FABP4: variants seen among roughly 807,000 people sequenced by gnomAD.
FABP4 encodes fatty acid-binding protein, adipocyte.
Under a neutral mutation model 14.6 loss-of-function variants are expected in FABP4, and 17 were observed. The ratio of observed to expected loss-of-function variants is 1.16; its 90% CI spans 0.80 to 1.74. FABP4 has a LOEUF of 1.74. Among genes scored for constraint, FABP4 ranks in the 40% most tolerant of loss-of-function variants. The pLI is 0.00. For synonymous variants in FABP4, 54 were observed against 54.6 expected (o/e 0.99, Z 0.05); for missense variants, 149 against 160.3 (o/e 0.93, Z 0.38).
intron 1 of FABP4, among the ~76,000 whole-genome samples, chr8:81,482,221 A>G (rs1296172065): frequency 6.6e-6 from 1 of 152,192 alleles, no homozygotes; most frequent in African/African-American, 2.4e-5. Context: ...TAATGATTAC[A>G]TTCTAAACCC....
intron 1 of FABP4, among the ~76,000 whole-genome samples, chr8:81,482,535 G>A (rs1808095072): frequency 6.6e-6 from 1 of 152,140 alleles, no homozygotes; most frequent in African/African-American, 2.4e-5. Flanking sequence ...GTCAAAGGAA[G>A]TATTTAAGCC....
chr8:81,478,897 C>A lies in FABP4; in HGVS notation c.367G>T (p.Val123Phe). The A allele has an allele frequency of 6.2e-7, 1 of 1,613,140 alleles. No homozygotes were observed. The highest frequency in any genetic ancestry group is 1.1e-5 in the South Asian group (1 of 91,026). Residue 123 changes from valine (V) to phenylalanine (F), a missense_variant, in exon 4 of 4, where the codon GTC becomes TTC. By Grantham distance (50) the Val-to-Phe change is conservative (BLOSUM62 -1). Coordinates refer to ENST00000256104, the MANE Select transcript of FABP4 (RefSeq NM_001442.3). Reference sequence around the variant, plus strand: ...CTCTCATAAACTCTCGTGGAAGTGACGCCTTTCATGACGCATTCCTAGACA... The same window carrying A: ...CTCTCATAAACTCTCGTGGAAGTGAAGCCTTTCATGACGCATTCCTAGACA... ...KLVVECVMKG[V>F]TSTRVYERA
At position 81,479,573 on chromosome 8, in the gene FABP4, A is replaced by C. The variant is rs1808036525; in HGVS notation, c.247-58T>G. The C allele has an allele frequency of 4.1e-6, 5 of 1,214,930 alleles. No homozygotes were observed. The African/African-American group carries it at 7.5e-5, about 18-fold the overall frequency. 75.3% of individuals were successfully genotyped at this position (1,214,930 alleles called of 1,614,324 possible). A position where few individuals can be genotyped will look rare whatever the true frequency, so the allele number is the denominator to read the frequency against. ...CAGAGGGAGGCAGAAAAAAATTTAA[A>C]ATAGAGTGCCTTTGTTCAAAGGAAT... On this transcript the variant is annotated intron_variant, in intron 2 of 3. Coordinates refer to ENST00000256104, the MANE Select transcript of FABP4 (RefSeq NM_001442.3).
At chr8:81,479,579 G>A in intron 2 of FABP4, 64 bp from the exon 3 acceptor site, 2 of 1,159,728 alleles carry the variant, frequency 1.7e-6, no homozygotes, top group Non-Finnish European at 2.6e-6. Flanking sequence ...TTAAAATAGA[G>A]TGCCTTTGTT....
At position 81,479,524 on chromosome 8, in the gene FABP4, A is replaced by G. The variant is rs1229835235; in HGVS notation, c.247-9T>C. On this transcript the variant is annotated splice_polypyrimidine_tract_variant and intron_variant, in intron 2 of 3. Transcript: ENST00000256104. ...TCTAAGGTTATGGTGCTCTGTAGGC[A>G]TAAGAAAATGTAATGACAATGTGCA... The G allele has an allele frequency of 1.9e-5, 30 of 1,606,094 alleles. No homozygotes were observed. Among genetic ancestry groups the G allele is most frequent in the African/African-American group, 2.7e-5 (2 of 74,832 alleles).
rs1399497089 is a variant in FABP4, at chr8:81,478,736, A to C, written c.*129T>G. 18 of 807,438 alleles carry C rather than the reference A, an allele frequency of 2.2e-5. No individual in the cohort carries two copies. The highest frequency in any genetic ancestry group is 3.3e-5 in the Non-Finnish European group (17 of 512,404). 50.0% of individuals were successfully genotyped at this position (807,438 alleles called of 1,614,324 possible). On this transcript the variant is annotated 3_prime_UTR_variant, in exon 4 of 4. Coordinates refer to ENST00000256104, the MANE Select transcript of FABP4 (RefSeq NM_001442.3). ...TTTAACCAACGTAACCATATTGAAT[A>C]AAATCAGCTTGGGAGAAAATTAGTT...
intron 2 of FABP4, 91 bp from the exon 3 acceptor site, chr8:81,479,606 G>T: frequency 1.2e-6 from 1 of 823,634 alleles, no homozygotes; most frequent in Non-Finnish European, 2.0e-6. Context: ...AATATTTTGA[G>T]GTCATTAGTA....
intron 3 of FABP4, among the ~76,000 whole-genome samples, 170 bp downstream of exon 3, chr8:81,479,244 T>C (rs1172123863): frequency 1.3e-5 from 2 of 152,178 alleles, no homozygotes; most frequent in Non-Finnish European, 2.9e-5. Flanking sequence ...AGCATGCCTT[T>C]GTTGAACTCA....
chr8:81,480,496 T>G lies in FABP4; in HGVS notation c.176A>C (p.Lys59Thr), dbSNP rs1808061447. The change falls in exon 2 of 4, where the codon AAA becomes ACA. Residue 59 changes from lysine to threonine, a missense_variant. Lys to Thr is a moderately conservative substitution (Grantham distance 78). Coordinates refer to ENST00000256104, the MANE Select transcript of FABP4 (RefSeq NM_001442.3). ...VITIKSESTFKNTEISFILGQ... is the reference protein window; with the variant it reads ...VITIKSESTFTNTEISFILGQ... Reference sequence around the variant, plus strand: ...CAGTATGAAGGAAATCTCAGTATTTTTAAAGGTACTTTCAGATTTAATGGT... The same window carrying G: ...CAGTATGAAGGAAATCTCAGTATTTGTAAAGGTACTTTCAGATTTAATGGT... 6.2e-7 allele frequency: 1 copy of G among 1,613,824 alleles called. No homozygotes were observed. Among genetic ancestry groups the G allele is most frequent in the African/African-American group, 1.3e-5 (1 of 74,908 alleles).
Position 81,479,437 on chromosome 8 carries a change from G to A in FABP4, c.325C>T (p.Arg109Ter), listed in dbSNP as rs762661122. 30 of 1,613,040 alleles carry A rather than the reference G, an allele frequency of 1.9e-5. No individual in the cohort carries two copies. Among genetic ancestry groups the A allele is most frequent in the Middle Eastern group, 1.7e-4 (1 of 6,052 alleles). Residue 109 changes from arginine (R) to a stop codon, truncating the protein, a stop_gained, in exon 3 of 4, where the codon CGA (arginine) becomes TGA (stop). Transcript: ENST00000256104. LOFTEE classifies it high-confidence loss of function. ...DGKSTTIKRK[R>*]EDDKLVVECV... The stretch of plus-strand genomic sequence containing the variant: ...ACCACCACCAGTTTATCATCCTCTC[G>A]TTTTCTCTTTATGGTGGTTGATTTT...
chr8:81,479,277 G>C lies in FABP4; in HGVS notation c.348+137C>G, dbSNP rs1240752750. On this transcript the variant is annotated intron_variant, in intron 3 of 3. Transcript: ENST00000256104. ...TCAAAAGCATGAAGGGCAAATGCCA[G>C]AGTGGAAGCATAATTCCAATAAAAT... 8.3e-6 allele frequency: 6 copies of C among 718,704 alleles called. No homozygotes were observed. The East Asian group carries it at 1.6e-4, about 19-fold the overall frequency. The allele number at this position is 718,704 out of a possible 1,614,324, so 44.5% of individuals were successfully genotyped here. A position where few individuals can be genotyped will look rare whatever the true frequency, so the allele number is the denominator to read the frequency against.
intron 1 of FABP4, among the ~76,000 whole-genome samples, chr8:81,482,886 C>T (rs1375282393): frequency 1.3e-5 from 2 of 152,124 alleles, no homozygotes; most frequent in Non-Finnish European, 2.9e-5. Flanking sequence ...TATATTGGTA[C>T]ACCTTTAGGA....
chr8:81,479,647 G>GA, intron 2 of FABP4, 132 bp from the exon 3 acceptor site: 22 of 571,952 alleles, frequency 3.8e-5, no homozygotes, highest in Admixed American at 6.5e-5. Context: ...ATTGCAACAA[G>GA]AAAAAAAATG....
chr8:81,479,742 G>A (rs1808041861), intron 2 of FABP4: 2 of 345,154 alleles, frequency 5.8e-6, no homozygotes. Context: ...AAATTACTGT[G>A]AAGGAATATG....
intron 1 of FABP4, among the ~76,000 whole-genome samples, chr8:81,481,446 G>A (rs1244515786): frequency 6.6e-6 from 1 of 152,144 alleles, no homozygotes; most frequent in African/African-American, 2.4e-5. Context: ...ATATTTTCTT[G>A]TGCAAGGTAT....
chr8:81,478,448 G>A lies in FABP4; in HGVS notation c.*417C>T, dbSNP rs920624462. ...TTCACTACATTTAAAACTACCTTAG[G>A]TTTCTGAGATACACCTACTTAACTG... On this transcript the variant is annotated 3_prime_UTR_variant, in exon 4 of 4. Coordinates refer to ENST00000256104, the MANE Select transcript of FABP4 (RefSeq NM_001442.3). 3 of 157,678 alleles carry A rather than the reference G, an allele frequency of 1.9e-5. No homozygotes were observed. The highest frequency in any genetic ancestry group is 4.2e-5 in the Non-Finnish European group (3 of 71,368). The allele number at this position is 157,678 out of a possible 1,614,324, so 9.8% of individuals were successfully genotyped here. A position where few individuals can be genotyped will look rare whatever the true frequency, so the allele number is the denominator to read the frequency against.
chr8:81,481,754 C>T (rs970055799), intron 1 of FABP4, among the ~76,000 whole-genome samples: 6 of 152,106 alleles, frequency 3.9e-5, no homozygotes, highest in Admixed American at 1.3e-4. Context: ...TGAAGTGAGT[C>T]CACTTCGTGA....
intron 2 of FABP4, 55 bp downstream of exon 2, chr8:81,480,371 G>C: frequency 6.7e-7 from 1 of 1,502,714 alleles, no homozygotes. Context: ...ATTTCTTATA[G>C]CAGTGGTGAT....
chr8:81,482,667 C>A (rs980116442), intron 1 of FABP4, among the ~76,000 whole-genome samples: 1 of 152,058 alleles, frequency 6.6e-6, no homozygotes, highest in Non-Finnish European at 1.5e-5. Context: ...GAAAAAGAAC[C>A]TTGCATTAAG....
Sources: allele counts gnomAD v4.1 joint callset (sites outside exome capture counted in the v4.1 genomes callset), GRCh38; gene constraint gnomAD v4.1.1; transcripts MANE v1.5; gene names NCBI Gene and HGNC (gene_info 2026-07-23, HGNC 2026-07-21).